SLIT2: variants seen among roughly 807,000 people sequenced by gnomAD.
SLIT2 encodes slit homolog 2 protein.
In SLIT2, 41 loss-of-function variants were observed where a neutral mutation model predicts 185.7. That is an observed-to-expected ratio of 0.22 (90% CI 0.17 to 0.29). The LOEUF (loss-of-function observed/expected upper bound fraction) is 0.29, where lower values mean the gene tolerates loss of function less well. SLIT2 is among the 10% of genes least tolerant of loss of function. The pLI is 1.00. For synonymous variants in SLIT2, 693 were observed against 680.2 expected (o/e 1.02, Z -0.29); for missense variants, 1,571 against 1,909.0 (o/e 0.82, Z 3.30).
intron 11 of SLIT2, among the ~76,000 whole-genome samples, chr4:20,516,887 T>C (rs1253193686): frequency 6.6e-6 from 1 of 152,204 alleles, no homozygotes; most frequent in African/African-American, 2.4e-5. Context: ...TCCTCCTTTT[T>C]TGCCGTTTAC....
intron 5 of SLIT2, among the ~76,000 whole-genome samples, chr4:20,472,515 G>T (rs369147285): frequency 0.038 from 343 of 8,926 alleles, 78 homozygotes; most frequent in African/African-American, 0.046. Context: ...TATATAGATA[G>T]ATATATATCT....
intron 5 of SLIT2, among the ~76,000 whole-genome samples, chr4:20,469,818 C>G (rs1295523861): frequency 7.7e-6 from 1 of 130,362 alleles, no homozygotes; most frequent in African/African-American, 2.9e-5. Flanking sequence ...TGCAGTGGTA[C>G]AATCTCAGCT....
chr4:20,278,850 G>A (rs1236639262), intron 4 of SLIT2, among the ~76,000 whole-genome samples: 2 of 151,780 alleles, frequency 1.3e-5, no homozygotes, highest in African/African-American at 4.8e-5. Context: ...GGAAGCGAGA[G>A]GTGGGCATAC....
intron 4 of SLIT2, among the ~76,000 whole-genome samples, chr4:20,336,429 G>A (rs1720503065): frequency 6.6e-6 from 1 of 152,138 alleles, no homozygotes; most frequent in African/African-American, 2.4e-5. Context: ...ACTATCGCAA[G>A]AACAGAAAAC....
chr4:20,455,000 A>C (rs1712905509), intron 4 of SLIT2, among the ~76,000 whole-genome samples: 2 of 151,812 alleles, frequency 1.3e-5, no homozygotes, highest in Non-Finnish European at 1.5e-5. Context: ...TCTATTCCCC[A>C]CTCCACTTCT....
intron 29 of SLIT2, among the ~76,000 whole-genome samples, chr4:20,580,087 G>A (rs1303028372): frequency 7.0e-6 from 1 of 143,628 alleles, no homozygotes; most frequent in East Asian, 2.0e-4. Context: ...ATATATATTT[G>A]AGACCGTGTC....
At chr4:20,452,725 GA>G (rs1712609759) in intron 4 of SLIT2, among the ~76,000 whole-genome samples, 1 of 152,062 alleles carries the variant, frequency 6.6e-6, no homozygotes, top group African/African-American at 2.4e-5. Flanking sequence ...ATATTGTGTT[GA>G]ATGCTCTCTG....
chr4:20,505,075 G>T (rs1192324242), intron 9 of SLIT2, among the ~76,000 whole-genome samples: 1 of 151,840 alleles, frequency 6.6e-6, no homozygotes, highest in African/African-American at 2.4e-5. Context: ...TTAATATATT[G>T]TGCTATATAT....
At chr4:20,438,852 G>A (rs373878209) in intron 4 of SLIT2, among the ~76,000 whole-genome samples, 1 of 152,092 alleles carries the variant, frequency 6.6e-6, no homozygotes, top group East Asian at 1.9e-4. Context: ...CGGTTTATGT[G>A]TCATTTTCCA....
intron 5 of SLIT2, 109 bp from the exon 6 acceptor site, chr4:20,480,607 A>G (rs924481066): frequency 6.9e-6 from 5 of 719,720 alleles, no homozygotes; most frequent in Non-Finnish European, 1.2e-5. Context: ...TTGTGAGGGC[A>G]CTTCAGTGAG....
At chr4:20,290,635 G>C (rs1012799376) in intron 4 of SLIT2, among the ~76,000 whole-genome samples, 1 of 152,116 alleles carries the variant, frequency 6.6e-6, no homozygotes, top group African/African-American at 2.4e-5. Context: ...ACTAGAGCTT[G>C]AAAACAGGGG....
rs1722201704 is a variant in SLIT2, at chr4:20,354,913, G to C, written c.395+86032G>C. Among the ~76,000 whole-genome samples the C allele has an allele frequency of 4.1e-5, 5 of 122,770 alleles. No homozygotes were observed. The South Asian group carries it at 1.2e-3, about 30-fold the overall frequency. The allele number at this position is 122,770 out of a possible 152,430, so 80.5% of individuals were successfully genotyped here. ...TGTGTGTGTGTGTGTGTGTGAGAGA[G>C]AGAGAGAGAGAGAGAGAGAGAGAGA... is the stretch of plus-strand genomic sequence containing the variant. On this transcript the variant is annotated intron_variant, in intron 4 of 36. Coordinates refer to ENST00000504154, the MANE Select transcript of SLIT2 (RefSeq NM_004787.4).
intron 9 of SLIT2, among the ~76,000 whole-genome samples, chr4:20,507,865 C>A (rs1719349522): frequency 6.6e-6 from 1 of 151,670 alleles, no homozygotes; most frequent in Admixed American, 6.6e-5. Flanking sequence ...CTTAATTGAC[C>A]AAGACATGAA....
At chr4:20,424,669 A>G (rs970157029) in intron 4 of SLIT2, among the ~76,000 whole-genome samples, 16 of 152,120 alleles carry the variant, frequency 1.1e-4, no homozygotes, top group African/African-American at 3.9e-4. Flanking sequence ...ACTAAGAAAC[A>G]AAGTCAATGT....
intron 4 of SLIT2, among the ~76,000 whole-genome samples, chr4:20,389,134 G>A (rs546910860): frequency 2.7e-4 from 40 of 150,842 alleles, no homozygotes; most frequent in African/African-American, 6.6e-4. Context: ...TTTTTCAAGC[G>A]TATGATAATC....
chr4:20,291,012 G>A (rs1715758978), intron 4 of SLIT2, among the ~76,000 whole-genome samples: 1 of 151,748 alleles, frequency 6.6e-6, no homozygotes, highest in African/African-American at 2.4e-5. Flanking sequence ...ATCCAGGGGT[G>A]GCCCAGCATC....
At chr4:20,329,694 A>G (rs796092961) in intron 4 of SLIT2, among the ~76,000 whole-genome samples, 2 of 152,086 alleles carry the variant, frequency 1.3e-5, no homozygotes, top group African/African-American at 2.4e-5. Flanking sequence ...TTGATAGCAA[A>G]TGCCCCTCTG....
At chr4:20,434,697 G>A (rs532744925) in intron 4 of SLIT2, among the ~76,000 whole-genome samples, 4 of 152,194 alleles carry the variant, frequency 2.6e-5, no homozygotes, top group Non-Finnish European at 4.4e-5. Context: ...AAGTGGAAAC[G>A]TAGGTAGATG....
intron 4 of SLIT2, among the ~76,000 whole-genome samples, chr4:20,287,793 C>T (rs1715408387): frequency 6.6e-6 from 1 of 152,118 alleles, no homozygotes; most frequent in Non-Finnish European, 1.5e-5. Context: ...ATGCTTCCCA[C>T]AGCACTTAAT....
Sources: gnomAD v4.1 joint callset for allele counts (sites outside exome capture counted in the v4.1 genomes callset) on GRCh38, gnomAD v4.1.1 for gene constraint, MANE v1.5 for transcripts, NCBI Gene and HGNC (gene_info 2026-07-23, HGNC 2026-07-21) for gene names.